WDPCP: variants seen among roughly 807,000 people sequenced by gnomAD.
WDPCP encodes WD repeat containing planar cell polarity effector, also known as WD repeat-containing and planar cell polarity effector protein fritz homolog.
A neutral mutation model predicts 93.1 loss-of-function variants in WDPCP; 71 were observed. That is an observed-to-expected ratio of 0.76 (90% confidence interval 0.63 to 0.93). The LOEUF (loss-of-function observed/expected upper bound fraction) is 0.93, where lower values mean the gene tolerates loss of function less well. WDPCP is among the 40% of genes least tolerant of loss of function. WDPCP has a pLI of 0.00. For missense variants in WDPCP, 844 were observed against 887.4 expected (o/e 0.95, Z 0.62); for synonymous variants, 315 against 315.0 (o/e 1.00, Z 0.00).
chr2:63,688,756 C>T (rs944040168), intron 2 of WDPCP, among the ~76,000 whole-genome samples: 1 of 151,888 alleles, frequency 6.6e-6, no homozygotes, highest in Non-Finnish European at 1.5e-5. Context: ...ATATATATAC[C>T]TACTATGTAC....
In WDPCP at chr2:63,437,331, T is replaced by TG; in HGVS notation, c.633+89_633+90insC. 12 of 1,084,398 alleles carry TG rather than the reference T, an allele frequency of 1.1e-5. No individual in the cohort carries two copies. In the South Asian group the frequency reaches 2.0e-4, roughly 18 times the overall value. 67.2% of individuals were successfully genotyped at this position (1,084,398 alleles called of 1,614,324 possible). A position where few individuals can be genotyped will look rare whatever the true frequency, so the allele number is the denominator to read the frequency against. ...CCAGTTTTTCTGAAATCCAGAAATG[T>TG]TGAAGAATAATGAGCAGAATACCAA... On this transcript the variant is annotated intron_variant, in intron 8 of 17. Transcript: ENST00000272321.
rs548609606 is a variant in WDPCP at position 63,826,807 on chromosome 2, G to A, written n.222+815C>T. ...ACAGTTAAACTTAAAAAATAAATCCGTACTAACAAATATATCATTTTTCTA... is the reference window on the plus strand; with the variant it reads ...ACAGTTAAACTTAAAAAATAAATCCATACTAACAAATATATCATTTTTCTA... On this transcript the variant is annotated intron_variant and non_coding_transcript_variant, in intron 1 of 4. Coordinates refer to the WDPCP transcript ENST00000467687. 4.6e-5 allele frequency among the ~76,000 whole-genome samples: 7 copies of A among 152,070 alleles called. No homozygotes were observed. In the South Asian group the frequency reaches 1.0e-3, roughly 23 times the overall value.
At chr2:63,577,395 G>A (rs1708188297) in intron 1 of WDPCP, among the ~76,000 whole-genome samples, 1 of 152,094 alleles carries the variant, frequency 6.6e-6, no homozygotes, top group South Asian at 2.1e-4. Flanking sequence ...TTATTGTTTG[G>A]GGGAGTTTGC....
chr2:63,615,085 G>A lies in WDPCP; in HGVS notation n.488+35574C>T, dbSNP rs556182574. On this transcript the variant is annotated intron_variant and non_coding_transcript_variant, in intron 3 of 4. Coordinates refer to the WDPCP transcript ENST00000467687. ...TAGGCAGACAGGGCAAAGAGTTCTC[G>A]GCAGAACTTCCCTTCTAACAAAAAG... 6.6e-5 allele frequency among the ~76,000 whole-genome samples: 10 copies of A among 152,220 alleles called. No individual in the cohort carries two copies. The East Asian group carries it at 1.4e-3, about 21-fold the overall frequency.
chr2:63,684,307 TG>T (rs1575746943), intron 2 of WDPCP: 1 of 612,378 alleles, frequency 1.6e-6, no homozygotes, highest in African/African-American at 1.9e-5. Flanking sequence ...GCTGCTGAAA[TG>T]GGCAAGTTCA....
At chr2:63,313,744 AG>A (rs1686366677) in intron 12 of WDPCP, among the ~76,000 whole-genome samples, 1 of 151,646 alleles carries the variant, frequency 6.6e-6, no homozygotes, top group Non-Finnish European at 1.5e-5. Flanking sequence ...GGATATACTA[AG>A]GAAGAGGTCA....
intron 6 of WDPCP, among the ~76,000 whole-genome samples, chr2:63,449,502 A>G (rs1472768670): frequency 9.0e-5 from 9 of 99,490 alleles, no homozygotes; most frequent in Admixed American, 8.9e-4. Flanking sequence ...AGGAAAAGAA[A>G]GCAAGTGGCC....
intron 17 of WDPCP, among the ~76,000 whole-genome samples, chr2:63,130,615 T>A (rs1391012346): frequency 6.6e-6 from 1 of 151,962 alleles, no homozygotes. Flanking sequence ...CCATATTAAT[T>A]TAAGGATGAG....
chr2:63,483,026 C>T (rs1251982643), intron 6 of WDPCP, among the ~76,000 whole-genome samples: 2 of 151,860 alleles, frequency 1.3e-5, no homozygotes, highest in South Asian at 2.1e-4. Flanking sequence ...GACATCCCTT[C>T]GTCAGACACA....
intron 1 of WDPCP, among the ~76,000 whole-genome samples, chr2:63,573,597 GTGA>G (rs1158241680): frequency 3.9e-5 from 6 of 152,188 alleles, no homozygotes; most frequent in African/African-American, 1.4e-4. Flanking sequence ...TCAGGACCCT[GTGA>G]TGATTGCGTT....
intron 14 of WDPCP, among the ~76,000 whole-genome samples, chr2:63,193,329 A>G (rs1340215882): frequency 6.6e-6 from 1 of 152,190 alleles, no homozygotes; most frequent in East Asian, 1.9e-4. Context: ...TATTGAACTC[A>G]GTTGCATTTT....
intron 15 of WDPCP, among the ~76,000 whole-genome samples, chr2:63,158,624 A>T (rs1034973050): frequency 6.6e-6 from 1 of 152,002 alleles, no homozygotes. Flanking sequence ...GTATATATAT[A>T]TTTTTCAGCA....
At chr2:63,732,449 A>C (rs1260192246) in intron 2 of WDPCP, among the ~76,000 whole-genome samples, 1 of 152,224 alleles carries the variant, frequency 6.6e-6, no homozygotes, top group Admixed American at 6.5e-5. Context: ...CATAAGATAA[A>C]ATGCAGAAGA....
the WDPCP span, among the ~76,000 whole-genome samples, chr2:63,839,195 T>C: frequency 6.6e-6 from 1 of 152,226 alleles, no homozygotes; most frequent in South Asian, 2.1e-4. Context: ...TTAAAACCCA[T>C]TTCCTTTTTA....
At chr2:63,277,269 G>A (rs1274064876) in intron 13 of WDPCP, among the ~76,000 whole-genome samples, 1 of 151,530 alleles carries the variant, frequency 6.6e-6, no homozygotes, top group Non-Finnish European at 1.5e-5. Context: ...CACCAAAATC[G>A]AACCTCCTTA....
chr2:63,564,507 G>C lies in WDPCP; in HGVS notation c.75+23690C>G, dbSNP rs1334207727. The C allele has an allele frequency of 2.0e-5, 3 of 152,146 alleles. No individual in the cohort carries two copies. The East Asian group carries it at 5.8e-4, about 29-fold the overall frequency. The allele number at this position is 152,146 out of a possible 1,614,324, so 9.4% of individuals were successfully genotyped here. A position where few individuals can be genotyped will look rare whatever the true frequency, so the allele number is the denominator to read the frequency against. Reference sequence around the variant, plus strand: ...TCCAGTTGTTAATTCAATGTCTGTGGGGAACCTCCTTCTTACGACAGGAAG... The same window carrying C: ...TCCAGTTGTTAATTCAATGTCTGTGCGGAACCTCCTTCTTACGACAGGAAG... On this transcript the variant is annotated intron_variant, in intron 1 of 17. Coordinates refer to ENST00000272321, the MANE Select transcript of WDPCP (RefSeq NM_015910.7).
chr2:63,633,298 T>C (rs985292396), intron 3 of WDPCP, among the ~76,000 whole-genome samples: 1 of 152,090 alleles, frequency 6.6e-6, no homozygotes, highest in Admixed American at 6.6e-5. Flanking sequence ...AACTGACTGG[T>C]AAAGGTAAAT....
intron 14 of WDPCP, among the ~76,000 whole-genome samples, chr2:63,204,004 A>G (rs1027545604): frequency 3.9e-5 from 6 of 152,200 alleles, no homozygotes; most frequent in Non-Finnish European, 1.5e-5. Flanking sequence ...CAACATTGCA[A>G]CAAACATGGG....
chr2:63,514,399 T>C (rs1337925321), intron 1 of WDPCP, among the ~76,000 whole-genome samples: 1 of 152,160 alleles, frequency 6.6e-6, no homozygotes, highest in African/African-American at 2.4e-5. Flanking sequence ...GAGCATCCCT[T>C]ATCCTTCCTT....
Sources: allele counts gnomAD v4.1 joint callset (sites outside exome capture counted in the v4.1 genomes callset), GRCh38; gene constraint gnomAD v4.1.1; transcripts MANE v1.5; gene names NCBI Gene and HGNC (gene_info 2026-07-23, HGNC 2026-07-21).